Variants in CDH9 observed in about 807,000 individuals in gnomAD.
The protein encoded by CDH9 is cadherin 9.
A neutral mutation model predicts 70.9 loss-of-function variants in CDH9; 28 were observed. The ratio of observed to expected loss-of-function variants is 0.40; its 90% confidence interval spans 0.29 to 0.54. The LOEUF is 0.54. Ranked by LOEUF, CDH9 falls within the 20% of genes least tolerant of loss-of-function variation. The pLI is 0.59. For missense variants in CDH9, 874 were observed against 984.4 expected, an observed-to-expected ratio of 0.89 and a Z score of 1.50; for synonymous variants, 409 against 343.1, an observed-to-expected ratio of 1.19 and a Z score of -2.12.
At chr5:26,989,437 G>A (rs1742543123) in intron 1 of CDH9, among the ~76,000 whole-genome samples, 1 of 151,888 alleles carries the variant, frequency 6.6e-6, no homozygotes, top group African/African-American at 2.4e-5. Flanking sequence ...GAGCAAAGAA[G>A]CAGTTCGGCA....
chr5:26,932,227 A>T (rs1489763430), intron 2 of CDH9, among the ~76,000 whole-genome samples: 7 of 152,074 alleles, frequency 4.6e-5, no homozygotes, highest in Admixed American at 2.0e-4. Context: ...CAAGAGAGAC[A>T]CTTGACTTCA....
Position 27,037,789 on chromosome 5 carries a change from A to G in CDH9, c.-50+674T>C, listed in dbSNP as rs113054392. On this transcript the variant is annotated intron_variant, in intron 1 of 11. Coordinates refer to ENST00000231021, the MANE Select transcript of CDH9 (RefSeq NM_016279.4). Reference sequence around the variant, plus strand: ...TCATTACATTAAGACATATTTGCCTACAATAATAGAAAGCAATTATAGCTC... The same window carrying G: ...TCATTACATTAAGACATATTTGCCTGCAATAATAGAAAGCAATTATAGCTC... 3.7e-4 allele frequency among the ~76,000 whole-genome samples: 57 copies of G among 152,128 alleles called. 1 individual carries two copies. The highest frequency in any genetic ancestry group is 1.3e-3 in the African/African-American group (55 of 41,544).
chr5:26,959,195 T>C (rs1376351926), intron 2 of CDH9, among the ~76,000 whole-genome samples: 1 of 152,110 alleles, frequency 6.6e-6, no homozygotes, highest in African/African-American at 2.4e-5. Context: ...AATGAATAAA[T>C]GGCTTGAAAA....
chr5:26,918,017 A>G (rs1338241153), intron 2 of CDH9, among the ~76,000 whole-genome samples: 1 of 152,118 alleles, frequency 6.6e-6, no homozygotes, highest in Non-Finnish European at 1.5e-5. Context: ...TTAAAACTTT[A>G]CTTTTATTAT....
intron 11 of CDH9, among the ~76,000 whole-genome samples, chr5:26,882,032 A>G (rs1483580695): frequency 6.6e-6 from 1 of 152,078 alleles, no homozygotes; most frequent in Non-Finnish European, 1.5e-5. Flanking sequence ...TAATGATTCA[A>G]GGGAATATAT....
Position 26,890,453 on chromosome 5 carries a change from G to A in CDH9, c.1365C>T (p.Asn455=). Reference sequence around the variant, plus strand: ...TTATTTCTGTGGCTGTAACAGTGATGTTATGCCAAGGAGATGATTCCCGGT... The same window carrying A: ...TTATTTCTGTGGCTGTAACAGTGATATTATGCCAAGGAGATGATTCCCGGT... ...ALDRESSPWH[N]ITVTATEINN... The change falls in exon 8 of 12, where the codon AAC becomes AAT. Residue 455 remains asparagine, a synonymous_variant. Coordinates refer to ENST00000231021, the MANE Select transcript of CDH9 (RefSeq NM_016279.4). 1 of 1,613,482 alleles carries A rather than the reference G, an allele frequency of 6.2e-7. No individual in the cohort carries two copies. The highest frequency in any genetic ancestry group is 8.5e-7 in the Non-Finnish European group (1 of 1,179,472).
chr5:26,912,875 G>A (rs1009434463), intron 3 of CDH9, among the ~76,000 whole-genome samples: 17 of 151,994 alleles, frequency 1.1e-4, no homozygotes, highest in East Asian at 3.9e-4. Flanking sequence ...TTATGGGGGA[G>A]GGTCTTTTCT....
At chr5:26,911,146 G>A (rs568006347) in intron 3 of CDH9, among the ~76,000 whole-genome samples, 2 of 152,226 alleles carry the variant, frequency 1.3e-5, no homozygotes, top group Admixed American at 1.3e-4. Context: ...TTCACAGAAT[G>A]CTTAATGTAG....
At chr5:26,909,916 G>A (rs938303907) in intron 3 of CDH9, among the ~76,000 whole-genome samples, 3 of 151,396 alleles carry the variant, frequency 2.0e-5, no homozygotes, top group Non-Finnish European at 4.4e-5. Context: ...GCATTCCTCT[G>A]GATATGGGAG....
intron 2 of CDH9, among the ~76,000 whole-genome samples, chr5:26,917,391 A>C (rs1741168116): frequency 6.6e-6 from 1 of 152,080 alleles, no homozygotes; most frequent in South Asian, 2.1e-4. Context: ...ATAATAAACT[A>C]TATATTTGAA....
Position 26,906,122 on chromosome 5 carries a change from T to C in CDH9, c.648A>G (p.Ile216Met), listed in dbSNP as rs779354884. ...TCATGTCTGGTAATGCAGTTTTTAT[T>C]ATGCCTTTTGGAAAAAGCAGACAAA... The part of the protein sequence containing the change: ...PYFSVDPESG[I>M]IKTALPDMSR... Residue 216 changes from isoleucine to methionine, a missense_variant, in exon 5 of 12, where the codon ATA becomes ATG. Ile to Met is a conservative substitution (Grantham distance 10). Transcript: ENST00000231021. The C allele has an allele frequency of 5.6e-6, 9 of 1,609,182 alleles. No individual in the cohort carries two copies. Among genetic ancestry groups the C allele is most frequent in the Non-Finnish European group, 6.8e-6 (8 of 1,178,120 alleles).
At chr5:27,000,972 A>G (rs1202460138) in intron 1 of CDH9, among the ~76,000 whole-genome samples, 2 of 152,146 alleles carry the variant, frequency 1.3e-5, no homozygotes, top group African/African-American at 2.4e-5. Flanking sequence ...AAGAAGGATG[A>G]ACAGGTGAAG....
intron 7 of CDH9, among the ~76,000 whole-genome samples, chr5:26,898,188 G>A (rs1307306083): frequency 2.0e-5 from 3 of 152,142 alleles, no homozygotes; most frequent in East Asian, 3.9e-4. Context: ...ACAAACAAAG[G>A]AAAAAACGTT....
chr5:26,958,512 G>A (rs1021689510), intron 2 of CDH9, among the ~76,000 whole-genome samples: 3 of 152,138 alleles, frequency 2.0e-5, no homozygotes, highest in Non-Finnish European at 2.9e-5. Context: ...TCAGCGGTAA[G>A]TCAGAAGAAG....
At chr5:27,003,967 T>C (rs1416851868) in intron 1 of CDH9, among the ~76,000 whole-genome samples, 1 of 151,988 alleles carries the variant, frequency 6.6e-6, no homozygotes, top group East Asian at 1.9e-4. Flanking sequence ...TGAAATATTA[T>C]GTACTAGCTT....
intron 3 of CDH9, among the ~76,000 whole-genome samples, chr5:26,908,599 C>A (rs1283562491): frequency 6.6e-6 from 1 of 152,038 alleles, no homozygotes; most frequent in Non-Finnish European, 1.5e-5. Flanking sequence ...TTATTTGACT[C>A]TTTCAAATAA....
chr5:26,906,802 T>A lies in CDH9; in HGVS notation c.560A>T (p.Asp187Val). 1 of 1,613,270 alleles carries A rather than the reference T, an allele frequency of 6.2e-7. No homozygotes were observed. The highest frequency in any genetic ancestry group is 8.5e-7 in the Non-Finnish European group (1 of 1,179,514). ...SVIQVTATDA[D>V]DANYGNSAKV... ...GGCACTATTTCCATAGTTGGCGTCA[T>A]CTGCATCTGTTGCAGTTACTTGTAT... Residue 187 changes from aspartate (D) to valine (V), a missense_variant, in exon 4 of 12, where the codon GAT becomes GTT. Coordinates refer to ENST00000231021, the MANE Select transcript of CDH9 (RefSeq NM_016279.4).
intron 1 of CDH9, among the ~76,000 whole-genome samples, chr5:27,009,328 T>C (rs1239206112): frequency 1.3e-5 from 2 of 152,052 alleles, no homozygotes; most frequent in African/African-American, 4.8e-5. Flanking sequence ...TAAAAGATAT[T>C]GTATCTGCTC....
At chr5:26,963,363 A>T (rs986626973) in intron 2 of CDH9, among the ~76,000 whole-genome samples, 1 of 152,162 alleles carries the variant, frequency 6.6e-6, no homozygotes, top group African/African-American at 2.4e-5. Context: ...GTGTAAGTCA[A>T]TTATGTCTGA....
Sources: allele counts gnomAD v4.1 joint callset (sites outside exome capture counted in the v4.1 genomes callset), GRCh38; gene constraint gnomAD v4.1.1; transcripts MANE v1.5; gene names NCBI Gene and HGNC (gene_info 2026-07-23, HGNC 2026-07-21).